TRIO: variants seen among roughly 807,000 people sequenced by gnomAD.
TRIO encodes the protein trio Rho guanine nucleotide exchange factor.
In TRIO, 58 loss-of-function variants were observed where a neutral mutation model predicts 351.9. The observed-to-expected ratio is 0.16, with a 90% CI of 0.13 to 0.21. The LOEUF (loss-of-function observed/expected upper bound fraction) is 0.21, where lower values mean the gene tolerates loss of function less well. Among genes scored for constraint, TRIO ranks in the 10% least tolerant of loss-of-function variants. The probability of loss-of-function intolerance (pLI) is 1.00; values close to 1 mark genes in which losing one functional copy is unlikely to be tolerated. For synonymous variants in TRIO, 1,758 were observed against 1,595.7 expected (o/e 1.10, Z -2.42); for missense variants, 3,201 against 4,027.8 (o/e 0.79, Z 5.56).
chr5:14,378,860 C>T (rs1404226192), intron 20 of TRIO, among the ~76,000 whole-genome samples: 1 of 152,054 alleles, frequency 6.6e-6, no homozygotes, highest in African/African-American at 2.4e-5. Flanking sequence ...GCACCTGGCC[C>T]AGAATTTCTA....
intron 34 of TRIO, among the ~76,000 whole-genome samples, chr5:14,447,546 G>C (rs558617706): frequency 2.6e-5 from 4 of 152,198 alleles, no homozygotes; most frequent in Admixed American, 6.5e-5. Flanking sequence ...TTTTAAAACC[G>C]TTTTGCCTGG....
At chr5:14,477,738 C>T (rs536242456) in intron 41 of TRIO, among the ~76,000 whole-genome samples, 8 of 152,262 alleles carry the variant, frequency 5.3e-5, no homozygotes, top group South Asian at 2.1e-4. Context: ...CAGCCATGCG[C>T]GGTCCTGTGA....
chr5:14,253,228 T>C (rs945056737), intron 1 of TRIO, among the ~76,000 whole-genome samples: 11 of 152,236 alleles, frequency 7.2e-5, no homozygotes, highest in Admixed American at 3.3e-4. Flanking sequence ...GAAATACTTA[T>C]TTATGGCTTA....
chr5:14,484,778 G>A (rs888046748), intron 46 of TRIO, among the ~76,000 whole-genome samples: 2 of 151,366 alleles, frequency 1.3e-5, no homozygotes, highest in Non-Finnish European at 2.9e-5. Flanking sequence ...CCACCCCCAA[G>A]CCCCTGGCAA....
chr5:14,465,634 C>G lies in TRIO; in HGVS notation c.5757C>G (p.Ser1919Arg). The G allele has an allele frequency of 2.5e-6, 4 of 1,614,066 alleles. No homozygotes were observed. The highest frequency in any genetic ancestry group is 3.4e-6 in the Non-Finnish European group (4 of 1,180,002). The change falls in exon 37 of 57, where the codon AGC (serine) becomes AGG (arginine). Residue 1919 changes from serine (S) to arginine (R), a missense_variant. Transcript: ENST00000344204. ...LVSAIEELVK[S>R]KMALEDRPSS... ...GTGCAATTGAGGAACTCGTGAAAAG[C>G]AAGATGGTGAGGCCTCCCAGAGAAA...
At chr5:14,228,548 C>G (rs1164455331) in intron 1 of TRIO, among the ~76,000 whole-genome samples, 1 of 152,198 alleles carries the variant, frequency 6.6e-6, no homozygotes, top group Non-Finnish European at 1.5e-5. Context: ...GTTTTGGATG[C>G]AATTCTTTGA....
At chr5:14,457,942 A>G (rs1753487104) in intron 34 of TRIO, among the ~76,000 whole-genome samples, 1 of 151,680 alleles carries the variant, frequency 6.6e-6, no homozygotes, top group African/African-American at 2.4e-5. Flanking sequence ...AGGTTGATTT[A>G]TTGGCTGAGG....
chr5:14,467,374 A>C (rs920350807), intron 37 of TRIO, among the ~76,000 whole-genome samples: 1 of 152,170 alleles, frequency 6.6e-6, no homozygotes, highest in African/African-American at 2.4e-5. Context: ...ATATAAAGAA[A>C]AATTTGGACT....
intron 34 of TRIO, among the ~76,000 whole-genome samples, chr5:14,453,075 TC>T (rs2126441137): frequency 6.6e-6 from 1 of 152,262 alleles, no homozygotes; most frequent in African/African-American, 2.4e-5. Context: ...ACCTTTTTTT[TC>T]TTTTTTTATT....
intron 1 of TRIO, among the ~76,000 whole-genome samples, chr5:14,193,674 T>C (rs146268960): frequency 9.8e-5 from 15 of 152,334 alleles, no homozygotes; most frequent in Non-Finnish European, 1.5e-4. Flanking sequence ...ACAGTTCATG[T>C]CCATTTTTGT....
Position 14,482,621 on chromosome 5 carries a change from A to G in TRIO, c.6505A>G (p.Thr2169Ala). 5 of 1,570,050 alleles carry G rather than the reference A, an allele frequency of 3.2e-6. No homozygotes were observed. Among genetic ancestry groups the G allele is most frequent in the Non-Finnish European group, 4.3e-6 (5 of 1,153,674 alleles). ...CCAGGGTAAACTGCTCTTGCAGGAC[A>G]CATTCTTGGTCACAGACCAAGATGC... ...VAQGKLLLQD[T>A]FLVTDQDAGL... is the part of the protein sequence containing the mutation. The change falls in exon 46 of 57, where the codon ACA becomes GCA. Residue 2169 changes from threonine (T) to alanine (A), a missense_variant. By Grantham distance (58) the Thr-to-Ala change is moderately conservative (BLOSUM62 0). Coordinates refer to ENST00000344204, the MANE Select transcript of TRIO (RefSeq NM_007118.4).
At chr5:14,202,684 C>T (rs73057526) in intron 1 of TRIO, among the ~76,000 whole-genome samples, 5,988 of 148,502 alleles carry the variant, frequency 0.04, 435 homozygotes, top group African/African-American at 0.14. Context: ...GGAGTTTCCC[C>T]TTTTGCTTGG....
intron 1 of TRIO, among the ~76,000 whole-genome samples, chr5:14,244,170 C>G (rs952499705): frequency 1.3e-5 from 2 of 152,200 alleles, no homozygotes; most frequent in Non-Finnish European, 2.9e-5. Context: ...GAAGGTAGAT[C>G]TTAATAACTT....
At chr5:14,148,606 G>A (rs1303804512) in intron 1 of TRIO, among the ~76,000 whole-genome samples, 1 of 152,134 alleles carries the variant, frequency 6.6e-6, no homozygotes, top group Non-Finnish European at 1.5e-5. Context: ...ATTTCCTTAA[G>A]TGCATTGTCT....
intron 34 of TRIO, among the ~76,000 whole-genome samples, chr5:14,443,713 G>A (rs1752234051): frequency 6.6e-6 from 1 of 152,226 alleles, no homozygotes; most frequent in African/African-American, 2.4e-5. Context: ...CTGCACAGAA[G>A]CCTGTTTTAT....
Position 14,474,096 on chromosome 5 carries a change from G to C in TRIO, c.6082G>C (p.Asp2028His). The change falls in exon 40 of 57, where the codon GAC becomes CAC. Residue 2028 changes from aspartate (D) to histidine (H), a missense_variant and splice_region_variant. Asp to His is a moderately conservative substitution (Grantham distance 81, BLOSUM62 -1). Transcript: ENST00000344204. ...NIHQIYDWHR[D>H]FFLGELEKCL... Reference sequence around the variant, plus strand: ...CCATCAGATTTACGACTGGCACAGAGAGTACGTAAACATGCATTGTGCCCG... The same window carrying C: ...CCATCAGATTTACGACTGGCACAGACAGTACGTAAACATGCATTGTGCCCG... 6.2e-7 allele frequency: 1 copy of C among 1,612,416 alleles called. No homozygotes were observed. The highest frequency in any genetic ancestry group is 8.5e-7 in the Non-Finnish European group (1 of 1,178,644).
Position 14,482,648 on chromosome 5 carries a change from G to C in TRIO, c.6532G>C (p.Gly2178Arg). The change falls in exon 46 of 57, where the codon GGA becomes CGA. Residue 2178 changes from glycine (G) to arginine (R), a missense_variant. Gly to Arg is a moderately radical substitution (Grantham distance 125, BLOSUM62 -2). This residue lies in a region of TRIO where 1,089 missense variants were observed against 954.9 expected (regional missense o/e 1.14). Coordinates refer to ENST00000344204, the MANE Select transcript of TRIO (RefSeq NM_007118.4). ...DTFLVTDQDA[G>R]LLPRCRERRI... ...ATTCTTGGTCACAGACCAAGATGCAGGACTTCTGCCTCGCTGCAGAGAGAG... is the reference window on the plus strand; with the variant it reads ...ATTCTTGGTCACAGACCAAGATGCACGACTTCTGCCTCGCTGCAGAGAGAG... 5.6e-6 allele frequency: 9 copies of C among 1,605,986 alleles called. No individual in the cohort carries two copies. Among genetic ancestry groups the C allele is most frequent in the Non-Finnish European group, 6.8e-6 (8 of 1,174,770 alleles).
chr5:14,173,250 A>ACAC (rs958294257), intron 1 of TRIO, among the ~76,000 whole-genome samples: 4 of 141,832 alleles, frequency 2.8e-5, no homozygotes, highest in African/African-American at 1.1e-4. Flanking sequence ...TGAGACAGAA[A>ACAC]CACAGGCTGG....
Position 14,377,243 on chromosome 5 carries a change from A to AT in TRIO, c.3332-760dup, listed in dbSNP as rs200500098. On this transcript the variant is annotated intron_variant, in intron 19 of 56. Coordinates refer to ENST00000344204, the MANE Select transcript of TRIO (RefSeq NM_007118.4). Reference sequence around the variant, plus strand: ...CTCTCCTAAGGGGTTATGGTTTTGTATTTTTTTTTGTTTTTTTTTTTAGAC... The same window carrying AT: ...CTCTCCTAAGGGGTTATGGTTTTGTATTTTTTTTTTGTTTTTTTTTTTAGAC... Among the ~76,000 whole-genome samples the AT allele has an allele frequency of 1.6e-3, 211 of 131,904 alleles. 1 individual carries two copies. The highest frequency in any genetic ancestry group is 4.0e-3 in the African/African-American group (141 of 35,534). The allele number at this position is 131,904 out of a possible 152,430, so 86.5% of individuals were successfully genotyped here. A position where few individuals can be genotyped will look rare whatever the true frequency, so the allele number is the denominator to read the frequency against.
Sources: gnomAD v4.1 joint callset for allele counts (sites outside exome capture counted in the v4.1 genomes callset) on GRCh38, gnomAD v4.1.1 for gene constraint, gnomAD v4.1.1 regional missense constraint, MANE v1.5 for transcripts, NCBI Gene and HGNC (gene_info 2026-07-23, HGNC 2026-07-21) for gene names.